The following ANO4 variants were observed in gnomAD, a reference collection of about 807,000 sequenced individuals.
ANO4 encodes the protein anoctamin-4.
A neutral mutation model predicts 141.9 loss-of-function variants in ANO4; 69 were observed. The observed-to-expected ratio is 0.49, with a 90% CI of 0.40 to 0.59. The LOEUF is 0.59. Ranked by LOEUF, ANO4 falls within the 20% of genes least tolerant of loss-of-function variation. The pLI, the probability that ANO4 is intolerant of heterozygous loss-of-function variation, is 0.00. For synonymous variants in ANO4, 350 were observed against 394.3 expected, an observed-to-expected ratio of 0.89 and a Z score of 1.33; for missense variants, 894 against 1,162.2, an observed-to-expected ratio of 0.77 and a Z score of 3.36.
intron 11 of ANO4, 67 bp from the exon 12 acceptor site, chr12:101,042,266 AC>A: frequency 6.3e-7 from 1 of 1,587,802 alleles, no homozygotes; most frequent in Non-Finnish European, 8.6e-7. Flanking sequence ...AAATGACTAT[AC>A]GAAGTTTCAT....
At chr12:101,050,361 G>A (rs1034470373) in intron 14 of ANO4, among the ~76,000 whole-genome samples, 2 of 152,104 alleles carry the variant, frequency 1.3e-5, no homozygotes, top group African/African-American at 4.8e-5. Context: ...GCCTCCCTTG[G>A]TGGACCTTGT....
At chr12:100,828,721 A>G (rs1427995768) in intron 1 of ANO4, among the ~76,000 whole-genome samples, 3 of 152,062 alleles carry the variant, frequency 2.0e-5, no homozygotes, top group Admixed American at 1.3e-4. Flanking sequence ...AAATACATAT[A>G]TGAATAACAT....
At chr12:100,789,472 G>A (rs139300870) in intron 3 of ANO4, among the ~76,000 whole-genome samples, 4 of 152,294 alleles carry the variant, frequency 2.6e-5, no homozygotes, top group African/African-American at 9.6e-5. Context: ...TGATGACAAC[G>A]GTGACAATAG....
At chr12:100,818,054 A>G (rs2035831607) in intron 1 of ANO4, among the ~76,000 whole-genome samples, 1 of 151,722 alleles carries the variant, frequency 6.6e-6, no homozygotes, top group Admixed American at 6.6e-5. Flanking sequence ...ATTACTTATT[A>G]TTGAATGTAT....
At chr12:100,804,969 G>T (rs1230865614) in intron 1 of ANO4, among the ~76,000 whole-genome samples, 2 of 152,122 alleles carry the variant, frequency 1.3e-5, no homozygotes, top group Non-Finnish European at 2.9e-5. Context: ...GATCCCATTT[G>T]TCCGTTTTTG....
intron 17 of ANO4, among the ~76,000 whole-genome samples, chr12:101,087,446 C>T (rs2049553213): frequency 6.6e-6 from 1 of 152,016 alleles, no homozygotes; most frequent in African/African-American, 2.4e-5. Flanking sequence ...TCACTTGGTT[C>T]AGGAAAGTGA....
At position 100,862,589 on chromosome 12, in the gene ANO4, T is replaced by G. The variant is rs191078514; in HGVS notation, c.-140-39057T>G. On this transcript the variant is annotated intron_variant, in intron 1 of 27. Coordinates refer to ENST00000392977, the MANE Select transcript of ANO4 (RefSeq NM_001286615.2). ...TGCCCACCTCAGCCTCCCAAAGTGC[T>G]GGGATTACAGGCGTGAGCCACTGTG... 3.5e-3 allele frequency among the ~76,000 whole-genome samples: 528 copies of G among 152,024 alleles called. 3 individuals carry two copies. The highest frequency in any genetic ancestry group is 8.8e-3 in the Admixed American group (134 of 15,292).
At chr12:100,828,321 A>G (rs1336580412) in intron 1 of ANO4, among the ~76,000 whole-genome samples, 2 of 151,984 alleles carry the variant, frequency 1.3e-5, no homozygotes, top group African/African-American at 4.8e-5. Context: ...GTGTTTAATC[A>G]TGGAAACCTC....
chr12:100,926,996 T>C (rs2041902448), intron 3 of ANO4, among the ~76,000 whole-genome samples: 1 of 152,122 alleles, frequency 6.6e-6, no homozygotes, highest in South Asian at 2.1e-4. Flanking sequence ...CAGTCTCATC[T>C]TCCTGTTTCT....
intron 9 of ANO4, among the ~76,000 whole-genome samples, chr12:101,030,487 G>A (rs2046930905): frequency 6.6e-6 from 1 of 152,142 alleles, no homozygotes; most frequent in East Asian, 1.9e-4. Flanking sequence ...AGTGTTAAGA[G>A]GGAAATGTAT....
intron 5 of ANO4, among the ~76,000 whole-genome samples, chr12:100,952,266 CTG>C (rs1347107763): frequency 6.6e-6 from 1 of 152,230 alleles, no homozygotes; most frequent in African/African-American, 2.4e-5. Flanking sequence ...AAGTGAATAA[CTG>C]TGTAAAGCTT....
intron 8 of ANO4, among the ~76,000 whole-genome samples, chr12:101,003,506 GT>G (rs2045739173): frequency 6.6e-6 from 1 of 152,192 alleles, no homozygotes; most frequent in Non-Finnish European, 1.5e-5. Context: ...ATGGTAATGA[GT>G]AGAGATATAT....
intron 14 of ANO4, among the ~76,000 whole-genome samples, chr12:101,063,337 A>G (rs2048429831): frequency 6.6e-6 from 1 of 152,210 alleles, no homozygotes; most frequent in Non-Finnish European, 1.5e-5. Flanking sequence ...TTCTGTTCTC[A>G]ATCCTGTTTC....
chr12:101,094,361 TC>T, intron 18 of ANO4, 69 bp downstream of exon 18: 1 of 1,252,098 alleles, frequency 8.0e-7, no homozygotes, highest in East Asian at 2.5e-5. Flanking sequence ...AAGATTCCTT[TC>T]TCTAATACTG....
intron 2 of ANO4, among the ~76,000 whole-genome samples, chr12:100,915,738 A>G (rs558831118): frequency 3.3e-5 from 5 of 152,326 alleles, no homozygotes; most frequent in African/African-American, 9.6e-5. Flanking sequence ...TATAATGTCT[A>G]TAATTTGTAC....
Position 100,879,215 on chromosome 12 carries a change from A to G in ANO4, c.-140-22431A>G, listed in dbSNP as rs570608590. On this transcript the variant is annotated intron_variant, in intron 1 of 27. Coordinates refer to ENST00000392977, the MANE Select transcript of ANO4 (RefSeq NM_001286615.2). ...TGACAGTGAAGCAAGCCATTGGAACATGTTTGTGGTGTGAATATTAGGTGT... is the reference window on the plus strand; with the variant it reads ...TGACAGTGAAGCAAGCCATTGGAACGTGTTTGTGGTGTGAATATTAGGTGT... Among the ~76,000 whole-genome samples the G allele has an allele frequency of 3.3e-5, 5 of 152,296 alleles. No individual in the cohort carries two copies. The South Asian group carries it at 1.0e-3, about 32-fold the overall frequency.
At chr12:101,083,937 C>G in intron 16 of ANO4, 119 bp downstream of exon 16, 1 of 980,488 alleles carries the variant, frequency 1.0e-6, no homozygotes, top group Non-Finnish European at 1.4e-6. Context: ...GTTATTTATT[C>G]CTCACAGTAA....
At chr12:100,834,659 G>A (rs896576467) in intron 1 of ANO4, among the ~76,000 whole-genome samples, 1 of 152,246 alleles carries the variant, frequency 6.6e-6, no homozygotes, top group East Asian at 1.9e-4. Context: ...GGCAGTCAAT[G>A]AGCAAGATTA....
chr12:100,921,509 T>C (rs188990445), intron 2 of ANO4, among the ~76,000 whole-genome samples: 1 of 152,260 alleles, frequency 6.6e-6, no homozygotes, highest in Non-Finnish European at 1.5e-5. Flanking sequence ...ACTGATTACT[T>C]TAAGAAGCTT....
Sources: allele counts gnomAD v4.1 joint callset (sites outside exome capture counted in the v4.1 genomes callset), GRCh38; gene constraint gnomAD v4.1.1; transcripts MANE v1.5; gene names NCBI Gene and HGNC (gene_info 2026-07-23, HGNC 2026-07-21).